TFAP4: variants seen among roughly 807,000 people sequenced by gnomAD.
TFAP4 encodes the protein activating enhancer-binding protein 4.
A neutral mutation model predicts 40.4 loss-of-function variants in TFAP4; 7 were observed. The ratio of observed to expected loss-of-function variants is 0.17; its 90% CI spans 0.10 to 0.33. The LOEUF is 0.33. TFAP4 is among the 10% of genes least tolerant of loss of function. The probability of loss-of-function intolerance (pLI) is 1.00; values close to 1 mark genes in which losing one functional copy is unlikely to be tolerated. For synonymous variants in TFAP4, 218 were observed against 181.4 expected (o/e 1.20, Z -1.62); for missense variants, 374 against 451.1 (o/e 0.83, Z 1.55).
chr16:4,260,745 G>A, intron 4 of TFAP4, 150 bp from the exon 5 acceptor site: 2 of 878,796 alleles, frequency 2.3e-6, no homozygotes, highest in Admixed American at 7.1e-5. Context: ...GAGCCCTTCA[G>A]CCCCCGGCTC....
intron 1 of TFAP4, among the ~76,000 whole-genome samples, chr16:4,267,626 A>G (rs2053007909): frequency 1.3e-5 from 2 of 151,988 alleles, no homozygotes; most frequent in Admixed American, 6.6e-5. Context: ...AGTACCCCCA[A>G]TCCCTCTACA....
chr16:4,259,691 G>A lies in TFAP4; in HGVS notation c.822+399C>T, dbSNP rs75857521. Among the ~76,000 whole-genome samples the A allele has an allele frequency of 9.2e-3, 1,405 of 152,200 alleles. 31 individuals are homozygous for A. Among genetic ancestry groups the A allele is most frequent in the African/African-American group, 0.032 (1,310 of 41,512 alleles). The stretch of plus-strand genomic sequence containing the variant: ...CACAAAGCTTCCTCCTCTGTAGGAG[G>A]CCCAACTATCACCAGCCCTGCCACC... On this transcript the variant is annotated intron_variant, in intron 6 of 6. Transcript: ENST00000204517.
chr16:4,265,529 A>T (rs539194784), intron 1 of TFAP4: 1 of 142,394 alleles, frequency 7.0e-6, no homozygotes, highest in Non-Finnish European at 1.5e-5. Context: ...AGGATGTAAT[A>T]AGCCCAGGAG....
Position 4,269,259 on chromosome 16 carries a change from C to T in TFAP4, c.89+3399G>A, listed in dbSNP as rs950835078. 7.2e-5 allele frequency among the ~76,000 whole-genome samples: 11 copies of T among 151,824 alleles called. No homozygotes were observed. In the East Asian group the frequency reaches 1.8e-3, roughly 25 times the overall value. ...CTGTAATCCCAACACTTTGGGAGGC[C>T]GAGGTGGGCAGATCACGAGGTCAGG... On this transcript the variant is annotated intron_variant, in intron 1 of 6. Transcript: ENST00000204517.
chr16:4,272,584 A>G, intron 1 of TFAP4, 74 bp downstream of exon 1: 1 of 1,138,700 alleles, frequency 8.8e-7, no homozygotes, highest in Non-Finnish European at 1.2e-6. Context: ...GCGTGCGCAC[A>G]CGCGCGCCCG....
rs561905408 is a variant in TFAP4, at chr16:4,260,657, T to A, written c.526-62A>T. On this transcript the variant is annotated intron_variant, in intron 4 of 6. Coordinates refer to ENST00000204517, the MANE Select transcript of TFAP4 (RefSeq NM_003223.3). Reference sequence around the variant, plus strand: ...GGGAGCACACCCTGCCCTGTCAGTCTCACAGCAGCTCATTCACTCCTGCTG... The same window carrying A: ...GGGAGCACACCCTGCCCTGTCAGTCACACAGCAGCTCATTCACTCCTGCTG... 1.6e-4 allele frequency: 238 copies of A among 1,504,950 alleles called. No individual in the cohort carries two copies. In the African/African-American group the frequency reaches 3.0e-3, roughly 19 times the overall value. The allele number at this position is 1,504,950 out of a possible 1,614,324, so 93.2% of individuals were successfully genotyped here.
At chr16:4,259,325 G>A (rs1407150234) in intron 6 of TFAP4, among the ~76,000 whole-genome samples, 2 of 151,846 alleles carry the variant, frequency 1.3e-5, no homozygotes, top group East Asian at 2.0e-4. Flanking sequence ...ATAGAGATGG[G>A]GTTTTCACCA....
At chr16:4,260,041 T>C in intron 6 of TFAP4, 49 bp downstream of exon 6, 1 of 1,574,450 alleles carries the variant, frequency 6.4e-7, no homozygotes, top group African/African-American at 1.4e-5. Context: ...AAAGAGCCTG[T>C]TCCCGGAGTA....
At chr16:4,268,324 G>C (rs2053013874) in intron 1 of TFAP4, among the ~76,000 whole-genome samples, 3 of 152,150 alleles carry the variant, frequency 2.0e-5, no homozygotes, top group Non-Finnish European at 4.4e-5. Flanking sequence ...CAGCTACTCG[G>C]GAGGTCGAGG....
intron 1 of TFAP4, among the ~76,000 whole-genome samples, chr16:4,272,222 G>A (rs2053045895): frequency 6.6e-6 from 1 of 151,418 alleles, no homozygotes; most frequent in Admixed American, 6.6e-5. Context: ...AGCCGCCCTA[G>A]CTACACCCCC....
chr16:4,261,957 C>T lies in TFAP4; in HGVS notation c.355-8G>A. 1 of 1,595,906 alleles carries T rather than the reference C, an allele frequency of 6.3e-7. No homozygotes were observed. On this transcript the variant is annotated splice_region_variant and splice_polypyrimidine_tract_variant and intron_variant, in intron 3 of 6. Transcript: ENST00000204517. ...GGACGAGCCGCTCAGCTCCTGGGGACCCCAAGGAGTCGGTCAGTGTGCCTG... is the reference window on the plus strand; with the variant it reads ...GGACGAGCCGCTCAGCTCCTGGGGATCCCAAGGAGTCGGTCAGTGTGCCTG...
chr16:4,268,269 A>G (rs1189243039), intron 1 of TFAP4, among the ~76,000 whole-genome samples: 1 of 152,146 alleles, frequency 6.6e-6, no homozygotes, highest in Non-Finnish European at 1.5e-5. Context: ...CTCTCTACTA[A>G]AAATACAAAA....
In TFAP4 at chr16:4,258,214, C is replaced by T. The variant is rs2084471310; in HGVS notation, c.858G>A (p.Gln286=). The part of the protein sequence containing the change: ...IQHIEGTQEK[Q]ELEEEQRRAV... Reference sequence around the variant, plus strand: ...CTCGCCGCTGCTCCTCCTCCAGCTCCTGCTTTTCCTGGGTGCCCTCGATGT... The same window carrying T: ...CTCGCCGCTGCTCCTCCTCCAGCTCTTGCTTTTCCTGGGTGCCCTCGATGT... The change falls in exon 7 of 7, where the codon CAG becomes CAA. Residue 286 remains glutamine (Q), a synonymous_variant. Transcript: ENST00000204517. The T allele has an allele frequency of 2.5e-6, 4 of 1,607,434 alleles. No individual in the cohort carries two copies. The highest frequency in any genetic ancestry group is 1.3e-5 in the African/African-American group (1 of 74,784).
Position 4,257,837 on chromosome 16 carries a change from C to G in TFAP4, c.*218G>C. 2.1e-6 allele frequency: 1 copy of G among 483,118 alleles called. No homozygotes were observed. The highest frequency in any genetic ancestry group is 3.6e-6 in the Non-Finnish European group (1 of 276,920). 29.9% of individuals were successfully genotyped at this position (483,118 alleles called of 1,614,324 possible). Reference sequence around the variant, plus strand: ...GGGCCGAGGCCCCGCCCTGGGGTGCCGATGCTCCCACACGCTCTGCGACAC... The same window carrying G: ...GGGCCGAGGCCCCGCCCTGGGGTGCGGATGCTCCCACACGCTCTGCGACAC... On this transcript the variant is annotated 3_prime_UTR_variant, in exon 7 of 7. Transcript: ENST00000204517.
In TFAP4 at chr16:4,269,723, T is replaced by C. The variant is rs555325656; in HGVS notation, c.89+2935A>G. On this transcript the variant is annotated intron_variant, in intron 1 of 6. Transcript: ENST00000204517. ...TACTTAGGAGGCTGAGGCAGGAAAA[T>C]TGCTTGAACCCCGGAGGCAGAAGTT... is the stretch of plus-strand genomic sequence containing the variant. Among the ~76,000 whole-genome samples, 30 of 149,992 alleles carry C rather than the reference T, an allele frequency of 2.0e-4. No individual in the cohort carries two copies. In the East Asian group the frequency reaches 3.5e-3, roughly 18 times the overall value.
In TFAP4 at chr16:4,257,353, A is replaced by C. The variant is rs1047986109; in HGVS notation, c.*702T>G. 5 of 151,916 alleles carry C rather than the reference A, an allele frequency of 3.3e-5. No homozygotes were observed. Among genetic ancestry groups the C allele is most frequent in the African/African-American group, 1.2e-4 (5 of 41,314 alleles). The allele number at this position is 151,916 out of a possible 1,614,324, so 9.4% of individuals were successfully genotyped here. A position where few individuals can be genotyped will look rare whatever the true frequency, so the allele number is the denominator to read the frequency against. ...GAAAGAAAAAAAAGAAAAACAAAACAAAAACAGAAAGCAAACCAAAAAGAA... is the reference window on the plus strand; with the variant it reads ...GAAAGAAAAAAAAGAAAAACAAAACCAAAACAGAAAGCAAACCAAAAAGAA... On this transcript the variant is annotated 3_prime_UTR_variant, in exon 7 of 7. Coordinates refer to ENST00000204517, the MANE Select transcript of TFAP4 (RefSeq NM_003223.3).
At position 4,272,771 on chromosome 16, in the gene TFAP4, C is replaced by A; in HGVS notation, c.-25G>T. 6.2e-7 allele frequency: 1 copy of A among 1,606,760 alleles called. No individual in the cohort carries two copies. Among genetic ancestry groups the A allele is most frequent in the South Asian group, 1.1e-5 (1 of 90,742 alleles). On this transcript the variant is annotated 5_prime_UTR_variant, in exon 1 of 7. Transcript: ENST00000204517. The stretch of plus-strand genomic sequence containing the variant: ...TAGCGATCGGCCCCCCTCCTCTGCA[C>A]GAGCCAGGTCCCGCGATCAGCCGGA...
At chr16:4,269,397 G>GC (rs2053022968) in intron 1 of TFAP4, among the ~76,000 whole-genome samples, 1 of 150,900 alleles carries the variant, frequency 6.6e-6, no homozygotes, top group Non-Finnish European at 1.5e-5. Context: ...GGAGGCTGAG[G>GC]CAGGAGAATG....
At chr16:4,263,367 T>C (rs2052964369) in intron 1 of TFAP4, 1 of 152,334 alleles carries the variant, frequency 6.6e-6, no homozygotes, top group African/African-American at 2.4e-5. Flanking sequence ...GTGATTCTGA[T>C]GCACGCGGGA....
Sources: gnomAD v4.1 joint callset for allele counts (sites outside exome capture counted in the v4.1 genomes callset) on GRCh38, gnomAD v4.1.1 for gene constraint, MANE v1.5 for transcripts, NCBI Gene and HGNC (gene_info 2026-07-23, HGNC 2026-07-21) for gene names.